BMPR2: variants seen among roughly 807,000 people sequenced by gnomAD.
BMPR2 encodes the protein bone morphogenetic protein receptor type 2, also known as bone morphogenetic protein receptor type-2.
Under a neutral mutation model 100.8 loss-of-function variants are expected in BMPR2, and 29 were observed. The ratio of observed to expected loss-of-function variants is 0.29; its 90% CI spans 0.21 to 0.39. The LOEUF (loss-of-function observed/expected upper bound fraction) is 0.39. BMPR2 is among the 10% of genes least tolerant of loss of function. The pLI is 1.00. For synonymous variants in BMPR2, 382 were observed against 442.3 expected (o/e 0.86, Z 1.71); for missense variants, 1,011 against 1,274.5 (o/e 0.79, Z 3.15).
At chr2:202,477,278 C>G (rs953197292) in intron 3 of BMPR2, among the ~76,000 whole-genome samples, 3 of 152,108 alleles carry the variant, frequency 2.0e-5, no homozygotes, top group African/African-American at 7.2e-5. Context: ...ATTTTAGAAA[C>G]TATTACAAAC....
chr2:202,489,060 G>A (rs772318596), intron 3 of BMPR2, among the ~76,000 whole-genome samples: 8 of 149,912 alleles, frequency 5.3e-5, no homozygotes, highest in Non-Finnish European at 8.9e-5. Context: ...GGAATGCAAC[G>A]GCACAATCTC....
rs11459505 is a variant in BMPR2 at position 202,390,980 on chromosome 2, C to CTTTTTTTTTTTT, written c.76+13446_76+13457dup. Among the ~76,000 whole-genome samples the CTTTTTTTTTTTT allele has an allele frequency of 1.2e-4, 6 of 51,932 alleles. 2 individuals carry two copies. The highest frequency in any genetic ancestry group is 2.8e-4 in the Admixed American group (1 of 3,560). The allele number at this position is 51,932 out of a possible 152,430, so 34.1% of individuals were successfully genotyped here. A position where few individuals can be genotyped will look rare whatever the true frequency, so the allele number is the denominator to read the frequency against. Reference sequence around the variant, plus strand: ...ACCAAAAATGCTTTTAGTAAGTAGTCTTTTTTTTTTTTTTTTTTTTTTTTT... The same window carrying CTTTTTTTTTTTT: ...ACCAAAAATGCTTTTAGTAAGTAGTCTTTTTTTTTTTTTTTTTTTTTTTTTTTTTTTTTTTTT... On this transcript the variant is annotated intron_variant, in intron 1 of 12. Coordinates refer to ENST00000374580, the MANE Select transcript of BMPR2 (RefSeq NM_001204.7).
chr2:202,451,857 C>G (rs963871342), intron 1 of BMPR2, among the ~76,000 whole-genome samples: 1 of 152,010 alleles, frequency 6.6e-6, no homozygotes, highest in Non-Finnish European at 1.5e-5. Context: ...TCAAGCGATT[C>G]TCCTGTCTCA....
At chr2:202,421,982 C>T (rs912953979) in intron 1 of BMPR2, among the ~76,000 whole-genome samples, 3 of 152,152 alleles carry the variant, frequency 2.0e-5, no homozygotes, top group Non-Finnish European at 1.5e-5. Context: ...GATCTCGGCT[C>T]AGTGCAACCT....
chr2:202,519,779 T>C (rs1226047132), intron 6 of BMPR2, among the ~76,000 whole-genome samples: 2 of 152,228 alleles, frequency 1.3e-5, no homozygotes, highest in African/African-American at 2.4e-5. Context: ...TTCATACTGG[T>C]GAATGATACA....
intron 5 of BMPR2, among the ~76,000 whole-genome samples, chr2:202,518,087 A>G (rs1415159354): frequency 6.9e-6 from 1 of 144,756 alleles, no homozygotes; most frequent in African/African-American, 2.6e-5. Context: ...CAGCCTCCCA[A>G]AGGGCTGGGA....
intron 1 of BMPR2, among the ~76,000 whole-genome samples, chr2:202,385,193 T>A (rs1427959476): frequency 1.3e-5 from 2 of 151,974 alleles, no homozygotes. Context: ...TAAATAAGAA[T>A]AGTCTGTGAG....
At chr2:202,391,768 CTTT>C (rs1034526873) in intron 1 of BMPR2, among the ~76,000 whole-genome samples, 1 of 143,384 alleles carries the variant, frequency 7.0e-6, no homozygotes, top group East Asian at 2.0e-4. Flanking sequence ...ACACTTTTTT[CTTT>C]TTTTTTTTTG....
intron 3 of BMPR2, among the ~76,000 whole-genome samples, chr2:202,504,678 C>CTTTTTTTTTTTTTTTT (rs144161668): frequency 1.3e-4 from 15 of 112,460 alleles, no homozygotes; most frequent in African/African-American, 5.2e-4. Context: ...ATAGTAGATT[C>CTTTTTTTTTTTTTTTT]TTTTTTTTTT....
intron 1 of BMPR2, among the ~76,000 whole-genome samples, chr2:202,413,426 T>C (rs1480640235): frequency 6.6e-6 from 1 of 152,186 alleles, no homozygotes; most frequent in African/African-American, 2.4e-5. Context: ...AAAGTGACTT[T>C]AAACAATCAC....
At chr2:202,417,026 C>T (rs184554024) in intron 1 of BMPR2, among the ~76,000 whole-genome samples, 87 of 151,086 alleles carry the variant, frequency 5.8e-4, no homozygotes, top group East Asian at 3.4e-3. Flanking sequence ...TTAGTAGAGA[C>T]GGGATTTCAC....
chr2:202,513,837 T>C lies in BMPR2; in HGVS notation c.529+8T>C, dbSNP rs772763768. On this transcript the variant is annotated splice_region_variant and intron_variant, in intron 4 of 12. Coordinates refer to ENST00000374580, the MANE Select transcript of BMPR2 (RefSeq NM_001204.7). ...GATACAGAATGTTGACAGGTAAAAA[T>C]TACCATTTTTTGTCCTATTGTTTAT... 4.4e-6 allele frequency: 7 copies of C among 1,585,040 alleles called. No individual in the cohort carries two copies. The highest frequency in any genetic ancestry group is 1.1e-5 in the South Asian group (1 of 90,294).
rs911181999 is a variant in BMPR2 at position 202,561,425 on chromosome 2, A to G, written c.*1479A>G. 1 of 152,134 alleles carries G rather than the reference A, an allele frequency of 6.6e-6. No homozygotes were observed. The highest frequency in any genetic ancestry group is 1.5e-5 in the Non-Finnish European group (1 of 67,990). 9.4% of individuals were successfully genotyped at this position (152,134 alleles called of 1,614,324 possible). ...AAGCCCTTTGCTTCTTTCATTACTT[A>G]TAATCTCCTCTAAAACAACCTCTGC... On this transcript the variant is annotated 3_prime_UTR_variant, in exon 13 of 13. Transcript: ENST00000374580.
chr2:202,404,076 TATC>T (rs1392636710), intron 1 of BMPR2, among the ~76,000 whole-genome samples: 2 of 151,908 alleles, frequency 1.3e-5, no homozygotes, highest in Non-Finnish European at 1.5e-5. Flanking sequence ...GATACTTGAA[TATC>T]ATTTTACCAA....
intron 1 of BMPR2, among the ~76,000 whole-genome samples, chr2:202,425,178 T>A (rs1267837640): frequency 6.6e-6 from 1 of 152,106 alleles, no homozygotes; most frequent in Non-Finnish European, 1.5e-5. Context: ...CCTCCCAAAG[T>A]GCTAGGATTA....
Position 202,562,440 on chromosome 2 carries a change from A to G in BMPR2, c.*2494A>G, listed in dbSNP as rs763275523. The G allele has an allele frequency of 6.6e-6, 1 of 152,644 alleles. No homozygotes were observed. The highest frequency in any genetic ancestry group is 1.5e-5 in the Non-Finnish European group (1 of 68,032). 9.5% of individuals were successfully genotyped at this position (152,644 alleles called of 1,614,324 possible). A position where few individuals can be genotyped will look rare whatever the true frequency, so the allele number is the denominator to read the frequency against. On this transcript the variant is annotated 3_prime_UTR_variant, in exon 13 of 13. Transcript: ENST00000374580. ...AAAGTAGGAAAGGTGGAAAGTATAT[A>G]TCATTTTTATAAATTTTAAATTGTA... is the stretch of plus-strand genomic sequence containing the variant.
Position 202,441,947 on chromosome 2 carries a change from C to T in BMPR2, c.77-22862C>T, listed in dbSNP as rs540722325. The stretch of plus-strand genomic sequence containing the variant: ...ACTCGGGAGGCTGAGGCAGGAGAAT[C>T]GCTTGAACCCAGGAGGCGGAGGTTG... On this transcript the variant is annotated intron_variant, in intron 1 of 12. Coordinates refer to ENST00000374580, the MANE Select transcript of BMPR2 (RefSeq NM_001204.7). 8.2e-5 allele frequency among the ~76,000 whole-genome samples: 12 copies of T among 145,606 alleles called. 1 individual carries two copies. The South Asian group carries it at 8.8e-4, about 11-fold the overall frequency.
At chr2:202,421,310 GAAAAAAA>G (rs35984037) in intron 1 of BMPR2, among the ~76,000 whole-genome samples, 74 of 94,884 alleles carry the variant, frequency 7.8e-4, no homozygotes, top group African/African-American at 2.3e-3. Context: ...TCTCCAAAAG[GAAAAAAA>G]AAAAAAAAAA....
intron 3 of BMPR2, among the ~76,000 whole-genome samples, chr2:202,472,528 G>T (rs999361532): frequency 1.3e-5 from 2 of 152,122 alleles, no homozygotes; most frequent in Admixed American, 1.3e-4. Flanking sequence ...GCATGGTGGC[G>T]CATGCCTGTA....
Sources: gnomAD v4.1 joint callset for allele counts (sites outside exome capture counted in the v4.1 genomes callset) on GRCh38, gnomAD v4.1.1 for gene constraint, MANE v1.5 for transcripts, NCBI Gene and HGNC (gene_info 2026-07-23, HGNC 2026-07-21) for gene names.